Variants in MICAL3 observed in about 807,000 individuals in gnomAD.
The protein encoded by MICAL3 is microtubule associated monooxygenase, calponin and LIM domain containing 3, also known as [F-actin]-monooxygenase MICAL3.
MICAL3 carries 62 observed loss-of-function variants against 207.4 expected under a neutral mutation model. The observed-to-expected ratio is 0.30, with a 90% CI of 0.24 to 0.37. MICAL3 has a LOEUF of 0.37. MICAL3 is among the 10% of genes least tolerant of loss of function. The pLI, the probability that MICAL3 is intolerant of heterozygous loss-of-function variation, is 1.00. For synonymous variants in MICAL3, 1,077 were observed against 1,069.3 expected (o/e 1.01, Z -0.14); for missense variants, 2,368 against 2,635.6 (o/e 0.90, Z 2.22).
chr22:17,935,609 C>T (rs1459551987), intron 1 of MICAL3, among the ~76,000 whole-genome samples: 4 of 152,122 alleles, frequency 2.6e-5, no homozygotes, highest in Non-Finnish European at 5.9e-5. Flanking sequence ...AGCTTCTGCA[C>T]AGGAAAAGAA....
chr22:17,978,234 T>C (rs1402611499), intron 1 of MICAL3, among the ~76,000 whole-genome samples: 5 of 152,162 alleles, frequency 3.3e-5, no homozygotes, highest in African/African-American at 4.8e-5. Context: ...TTCTGACACA[T>C]GCTACAACAT....
chr22:17,812,436 G>A lies in MICAL3; in HGVS notation c.5446-1623C>T, dbSNP rs536390897. 35 of 828,184 alleles carry A rather than the reference G, an allele frequency of 4.2e-5. No homozygotes were observed. The African/African-American group carries it at 4.4e-4, about 10-fold the overall frequency. The allele number at this position is 828,184 out of a possible 1,614,324, so 51.3% of individuals were successfully genotyped here. A position where few individuals can be genotyped will look rare whatever the true frequency, so the allele number is the denominator to read the frequency against. ...TTAGTGAGGATGTGGCTGGAGGGCC[G>A]GGGCCGGCGCCGGGTGGTTAATCAC... On this transcript the variant is annotated intron_variant, in intron 27 of 31. Transcript: ENST00000441493.
chr22:18,017,303 T>C (rs1296477486), intron 1 of MICAL3, among the ~76,000 whole-genome samples: 4 of 152,190 alleles, frequency 2.6e-5, no homozygotes, highest in Non-Finnish European at 1.5e-5. Context: ...AACCTCTACT[T>C]CCCAGGTTCA....
chr22:17,976,234 C>T (rs1935623478), intron 1 of MICAL3, among the ~76,000 whole-genome samples: 1 of 152,126 alleles, frequency 6.6e-6, no homozygotes, highest in Non-Finnish European at 1.5e-5. Flanking sequence ...ATTCTGGTAA[C>T]TTGTCCACAT....
At chr22:18,018,369 T>G (rs1053581570) in intron 1 of MICAL3, among the ~76,000 whole-genome samples, 1 of 152,238 alleles carries the variant, frequency 6.6e-6, no homozygotes, top group African/African-American at 2.4e-5. Flanking sequence ...TAAAAGTTTC[T>G]TGACCATGAT....
At position 17,817,933 on chromosome 22, in the gene MICAL3, C is replaced by A. The variant is rs771116814; in HGVS notation, c.4728G>T (p.Gln1576His). Residue 1576 changes from glutamine to histidine, a missense_variant, in exon 26 of 32, where the codon CAG (glutamine) becomes CAT (histidine). Gln to His is a conservative substitution (Grantham distance 24, BLOSUM62 0). This residue lies in a region of MICAL3 where 1,770 missense variants were observed against 1,863.2 expected (regional missense o/e 0.95). Transcript: ENST00000441493. ...CCAAGGGCAGCCCCCTCTTCTGTGG[C>A]TGCAGCGTCCCCTCCAGAGCAGGCA... ...GRLPALEGTLQPQKRGLPLVS... is the reference protein window; with the variant it reads ...GRLPALEGTLHPQKRGLPLVS... The A allele has an allele frequency of 5.0e-6, 8 of 1,612,378 alleles. No individual in the cohort carries two copies. The highest frequency in any genetic ancestry group is 6.8e-6 in the Non-Finnish European group (8 of 1,179,792).
chr22:17,986,768 A>G (rs1459498186), intron 1 of MICAL3, among the ~76,000 whole-genome samples: 1 of 152,198 alleles, frequency 6.6e-6, no homozygotes, highest in East Asian at 1.9e-4. Context: ...AGGAATATGC[A>G]TCAGACACTT....
chr22:17,876,839 G>A lies in MICAL3; in HGVS notation c.2242-4816C>T, dbSNP rs1259590533. The stretch of plus-strand genomic sequence containing the variant: ...AGGTTAGGGAGGTTATGGAGGTTAG[G>A]GAGGTTAGGGAGGTTATGGAGGTTA... On this transcript the variant is annotated intron_variant, in intron 16 of 31. Coordinates refer to ENST00000441493, the MANE Select transcript of MICAL3 (RefSeq NM_015241.3). The A allele has an allele frequency of 2.9e-3, 396 of 137,556 alleles. 6 individuals carry two copies. Among genetic ancestry groups the A allele is most frequent in the African/African-American group, 0.012 (363 of 30,516 alleles). 8.5% of individuals were successfully genotyped at this position (137,556 alleles called of 1,614,324 possible).
intron 17 of MICAL3, among the ~76,000 whole-genome samples, chr22:17,867,096 C>T (rs890584773): frequency 6.6e-6 from 1 of 152,212 alleles, no homozygotes; most frequent in Non-Finnish European, 1.5e-5. Flanking sequence ...TTCCCTTTCC[C>T]TGATGATCTG....
rs527607191 is a variant in MICAL3 at position 17,916,739 on chromosome 22, C to A, written c.-74-9853G>T. Among the ~76,000 whole-genome samples the A allele has an allele frequency of 3.3e-5, 5 of 152,246 alleles. No homozygotes were observed. In the South Asian group the frequency reaches 8.3e-4, roughly 25 times the overall value. ...CTGGGTCCTGCTGTGACCTCATAGC[C>A]CCTCTCTGCGTCCTTTGCTGGTCCC... On this transcript the variant is annotated intron_variant, in intron 1 of 31. Coordinates refer to ENST00000441493, the MANE Select transcript of MICAL3 (RefSeq NM_015241.3).
chr22:17,847,959 CCAGCCCAGCTAACGT>C (rs2146090971), intron 19 of MICAL3, among the ~76,000 whole-genome samples: 1 of 152,276 alleles, frequency 6.6e-6, no homozygotes, highest in South Asian at 2.1e-4. Context: ...GCCACCACAC[CCAGCCCAGCTAACGT>C]CATTTCAGCT....
chr22:17,842,519 C>CT (rs1924129208), intron 19 of MICAL3: 1 of 168,974 alleles, frequency 5.9e-6, no homozygotes, highest in South Asian at 1.6e-4. Flanking sequence ...GCCTGAAGAA[C>CT]GTCTCATGCT....
intron 16 of MICAL3, among the ~76,000 whole-genome samples, chr22:17,877,522 G>GGAGGTTAGGGAGGTTAT (rs1928925024): frequency 3.9e-5 from 2 of 51,716 alleles, no homozygotes; most frequent in Admixed American, 1.9e-4. Flanking sequence ...AGGGAGGTTA[G>GGAGGTTAGGGAGGTTAT]GGAGGTGAGG....
rs1362917415 is a variant in MICAL3 at position 17,872,313 on chromosome 22, T to C, written c.2242-290A>G. Among the ~76,000 whole-genome samples, 3 of 152,144 alleles carry C rather than the reference T, an allele frequency of 2.0e-5. No homozygotes were observed. The East Asian group carries it at 5.8e-4, about 30-fold the overall frequency. On this transcript the variant is annotated intron_variant, in intron 16 of 31. Transcript: ENST00000441493. ...AGCATCACAGTGCTTCACACCAGACTTGAGTAATGCTATGATACAGCCTGG... is the reference window on the plus strand; with the variant it reads ...AGCATCACAGTGCTTCACACCAGACCTGAGTAATGCTATGATACAGCCTGG...
At chr22:17,889,700 G>A (rs1930234171) in intron 12 of MICAL3, among the ~76,000 whole-genome samples, 1 of 152,150 alleles carries the variant, frequency 6.6e-6, no homozygotes. Context: ...CTAGCTACTT[G>A]GGAGGCTGAG....
chr22:17,992,202 G>A (rs1191347543), intron 1 of MICAL3, among the ~76,000 whole-genome samples: 1 of 152,218 alleles, frequency 6.6e-6, no homozygotes, highest in Non-Finnish European at 1.5e-5. Context: ...GCAGCCTGCA[G>A]GCAAGGGAAA....
chr22:17,888,984 G>T, intron 13 of MICAL3, 50 bp downstream of exon 13: 1 of 1,355,652 alleles, frequency 7.4e-7, no homozygotes, highest in Non-Finnish European at 1.0e-6. Context: ...GAACAGCCGG[G>T]CCACAGCACA....
At chr22:17,821,568 A>C (rs1601970721) in intron 24 of MICAL3, 59 bp from the exon 25 acceptor site, 1 of 1,405,476 alleles carries the variant, frequency 7.1e-7, no homozygotes, top group Non-Finnish European at 9.7e-7. Context: ...CCAGGAAGGC[A>C]CCCCTATCAG....
chr22:17,809,177 T>C (rs1276704149), intron 28 of MICAL3, among the ~76,000 whole-genome samples: 2 of 152,200 alleles, frequency 1.3e-5, no homozygotes, highest in African/African-American at 4.8e-5. Context: ...GTGACTCAAG[T>C]AGTGACCACC....
Sources: allele counts gnomAD v4.1 joint callset (sites outside exome capture counted in the v4.1 genomes callset), GRCh38; gene constraint gnomAD v4.1.1; regional missense constraint gnomAD v4.1.1; transcripts MANE v1.5; gene names NCBI Gene and HGNC (gene_info 2026-07-23, HGNC 2026-07-21).